Variants in KLHL1 observed in about 807,000 individuals in gnomAD.
KLHL1 encodes kelch like family member 1, also known as kelch-like protein 1.
KLHL1 carries 47 observed loss-of-function variants against 77.7 expected under a neutral mutation model. That is an observed-to-expected ratio of 0.60 (90% CI 0.48 to 0.77). KLHL1 has a LOEUF of 0.77. Ranked by LOEUF, KLHL1 falls within the 30% of genes least tolerant of loss-of-function variation. The pLI, the probability that KLHL1 is intolerant of heterozygous loss-of-function variation, is 0.00. For missense variants in KLHL1, 925 were observed against 910.8 expected, an observed-to-expected ratio of 1.02 and a Z score of -0.20; for synonymous variants, 360 against 325.2, an observed-to-expected ratio of 1.11 and a Z score of -1.15.
intron 7 of KLHL1, among the ~76,000 whole-genome samples, chr13:69,782,019 A>T (rs1593825255): frequency 6.6e-6 from 1 of 152,186 alleles, no homozygotes; most frequent in East Asian, 1.9e-4. Context: ...GACATTTCTT[A>T]CAATTTTCTT....
At chr13:70,106,501 A>G (rs530173753) in intron 1 of KLHL1, among the ~76,000 whole-genome samples, 2 of 152,344 alleles carry the variant, frequency 1.3e-5, no homozygotes, top group East Asian at 3.9e-4. Context: ...CTAGAAATAA[A>G]TATTGAGCTG....
intron 1 of KLHL1, among the ~76,000 whole-genome samples, chr13:69,982,795 T>C (rs554821687): frequency 5.9e-5 from 9 of 151,802 alleles, no homozygotes; most frequent in Non-Finnish European, 1.2e-4. Context: ...ACAAAGAGGG[T>C]CATTATATGA....
At chr13:69,804,623 AT>A (rs1652423564) in intron 6 of KLHL1, among the ~76,000 whole-genome samples, 1 of 152,176 alleles carries the variant, frequency 6.6e-6, no homozygotes, top group Non-Finnish European at 1.5e-5. Context: ...AAGTAGAATG[AT>A]TTAGGATAAT....
intron 1 of KLHL1, among the ~76,000 whole-genome samples, chr13:70,012,468 C>T (rs764562473): frequency 8.5e-5 from 13 of 152,094 alleles, no homozygotes; most frequent in Middle Eastern, 3.4e-3. Flanking sequence ...GAACCTTCTC[C>T]TTCCTATGAA....
chr13:70,105,975 TA>T (rs1266569200), intron 1 of KLHL1, among the ~76,000 whole-genome samples: 1 of 150,572 alleles, frequency 6.6e-6, no homozygotes, highest in Non-Finnish European at 1.5e-5. Flanking sequence ...CTCTGAAAAT[TA>T]AAATTAAAAA....
At chr13:69,938,431 A>C (rs984848418) in intron 4 of KLHL1, among the ~76,000 whole-genome samples, 1 of 152,082 alleles carries the variant, frequency 6.6e-6, no homozygotes, top group Non-Finnish European at 1.5e-5. Context: ...TACCTTTTAA[A>C]GTCTCTGAAG....
At chr13:70,083,883 A>G (rs1484330053) in intron 1 of KLHL1, among the ~76,000 whole-genome samples, 5 of 152,130 alleles carry the variant, frequency 3.3e-5, no homozygotes, top group Non-Finnish European at 7.4e-5. Context: ...TTCAATTAAT[A>G]TAATATTAAT....
intron 3 of KLHL1, among the ~76,000 whole-genome samples, chr13:69,955,974 ATATATATT>A (rs1883859246): frequency 7.4e-6 from 1 of 135,996 alleles, no homozygotes; most frequent in Non-Finnish European, 1.6e-5. Context: ...TATATATTTG[ATATATATT>A]TATATATTTA....
chr13:69,719,649 T>C (rs1284991232), intron 8 of KLHL1, 68 bp from the exon 9 acceptor site: 8 of 1,269,200 alleles, frequency 6.3e-6, no homozygotes, highest in Non-Finnish European at 8.9e-6. Flanking sequence ...GAAAAGGTCC[T>C]TTAAAATAAA....
chr13:69,920,871 T>C (rs538369971), intron 4 of KLHL1, among the ~76,000 whole-genome samples: 148 of 152,244 alleles, frequency 9.7e-4, no homozygotes, highest in Middle Eastern at 3.4e-3. Context: ...AAAGTAAAGA[T>C]TGCACATGAA....
intron 7 of KLHL1, among the ~76,000 whole-genome samples, chr13:69,745,274 A>G (rs1329099481): frequency 2.0e-5 from 3 of 150,608 alleles, no homozygotes; most frequent in Non-Finnish European, 3.0e-5. Context: ...AGGCCTGTTA[A>G]AAACCTCTTC....
chr13:69,733,719 T>C (rs1873649631), intron 8 of KLHL1, among the ~76,000 whole-genome samples: 1 of 152,154 alleles, frequency 6.6e-6, no homozygotes, highest in South Asian at 2.1e-4. Flanking sequence ...ACATGGAGCA[T>C]TCAGAATTTA....
rs552874276 is a variant in KLHL1, at chr13:69,864,407, T to C, written c.1227+17876A>G. 1.6e-3 allele frequency among the ~76,000 whole-genome samples: 249 copies of C among 152,058 alleles called. 1 individual carries two copies. The highest frequency in any genetic ancestry group is 2.9e-3 in the Non-Finnish European group (196 of 67,918). On this transcript the variant is annotated intron_variant, in intron 5 of 10. Coordinates refer to ENST00000377844, the MANE Select transcript of KLHL1 (RefSeq NM_020866.3). ...CATGAATGTATACTATATATACATATAAATATACATACAAAAGAAGAATCA... is the reference window on the plus strand; with the variant it reads ...CATGAATGTATACTATATATACATACAAATATACATACAAAAGAAGAATCA...
At chr13:69,732,382 C>G (rs1299050404) in intron 8 of KLHL1, among the ~76,000 whole-genome samples, 1 of 152,036 alleles carries the variant, frequency 6.6e-6, no homozygotes, top group Non-Finnish European at 1.5e-5. Context: ...AAATGAATCT[C>G]CAAGTAGTAA....
intron 1 of KLHL1, among the ~76,000 whole-genome samples, chr13:70,068,303 T>C (rs1226326581): frequency 2.0e-5 from 3 of 151,968 alleles, no homozygotes; most frequent in East Asian, 1.9e-4. Context: ...ATCGCGCCAC[T>C]GCACTCCAGC....
At chr13:69,900,630 T>C (rs1408616492) in intron 4 of KLHL1, among the ~76,000 whole-genome samples, 1 of 152,142 alleles carries the variant, frequency 6.6e-6, no homozygotes, top group African/African-American at 2.4e-5. Flanking sequence ...GGATCCAGAA[T>C]ATAAACCAGC....
At position 69,719,604 on chromosome 13, in the gene KLHL1, G is replaced by C. The variant is rs748410496; in HGVS notation, c.1803-23C>G. The C allele has an allele frequency of 1.9e-6, 3 of 1,577,396 alleles. 1 individual carries two copies. The highest frequency in any genetic ancestry group is 3.4e-4 in the Middle Eastern group (2 of 5,962). On this transcript the variant is annotated intron_variant, in intron 8 of 10. Coordinates refer to ENST00000377844, the MANE Select transcript of KLHL1 (RefSeq NM_020866.3). The stretch of plus-strand genomic sequence containing the variant: ...AACCTAAAAACACAATTGGAAAAAT[G>C]TGATTTAATATCATAGTCTGGATGA...
chr13:69,837,611 T>A (rs1879055318), intron 6 of KLHL1, among the ~76,000 whole-genome samples: 1 of 141,050 alleles, frequency 7.1e-6, no homozygotes, highest in African/African-American at 2.8e-5. Context: ...TACATCTCTC[T>A]CTCTATATAT....
chr13:70,010,010 G>A (rs1885493887), intron 1 of KLHL1, among the ~76,000 whole-genome samples: 1 of 151,818 alleles, frequency 6.6e-6, no homozygotes, highest in Non-Finnish European at 1.5e-5. Context: ...TATATCTATG[G>A]AAAGTGCATT....
Sources: allele counts gnomAD v4.1 joint callset (sites outside exome capture counted in the v4.1 genomes callset), GRCh38; gene constraint gnomAD v4.1.1; transcripts MANE v1.5; gene names NCBI Gene and HGNC (gene_info 2026-07-23, HGNC 2026-07-21).